The following SRPX2 variants were observed in gnomAD, a reference collection of about 807,000 sequenced individuals.
SRPX2 encodes sushi repeat containing protein X-linked 2.
A neutral mutation model predicts 45.3 loss-of-function variants in SRPX2; 26 were observed. The observed-to-expected ratio is 0.57, with a 90% CI of 0.42 to 0.80. The LOEUF is 0.80. Among genes scored for constraint, SRPX2 ranks in the 30% least tolerant of loss-of-function variants. The probability of loss-of-function intolerance (pLI) is 0.00; values close to 1 mark genes in which losing one functional copy is unlikely to be tolerated. For synonymous variants in SRPX2, 125 were observed against 143.7 expected (o/e 0.87, Z 0.93); for missense variants, 355 against 399.8 (o/e 0.89, Z 0.95).
intron 7 of SRPX2, 108 bp downstream of exon 7, chrX:100,665,765 T>C (rs888038525): frequency 8.9e-7 from 1 of 1,120,372 alleles, no homozygotes; most frequent in South Asian, 1.9e-5. Context: ...TCATTTATAC[T>C]GGGAGAGGAG....
rs771852530 is a variant in SRPX2 at position 100,661,933 on chromosome X, GTT to G, written c.164-218_164-217del. ...GGTGTGAGACTTAGGTCGAGGTGGGGTTTTTTTTTTTTTTTTTTTTTTTTTTG... is the reference window on the plus strand; with the variant it reads ...GGTGTGAGACTTAGGTCGAGGTGGGGTTTTTTTTTTTTTTTTTTTTTTTTG... On this transcript the variant is annotated intron_variant, in intron 3 of 10. Transcript: ENST00000373004. Among the ~76,000 whole-genome samples, 146 of 59,689 alleles carry G rather than the reference GTT, an allele frequency of 2.4e-3. 1 individual carries two copies. Among genetic ancestry groups the G allele is most frequent in the African/African-American group, 0.01 (143 of 14,088 alleles). 51.8% of individuals were successfully genotyped at this position (59,689 alleles called of 115,157 possible).
At chrX:100,664,660 G>T in intron 4 of SRPX2, 114 bp from the exon 5 acceptor site, 1 of 771,541 alleles carries the variant, frequency 1.3e-6, no homozygotes, top group Non-Finnish European at 1.9e-6. Flanking sequence ...GGCAGTTCAG[G>T]TAGGGTTTCT....
intron 3 of SRPX2, among the ~76,000 whole-genome samples, chrX:100,655,855 GTTTTTTTTTTTTT>G (rs11362126): frequency 2.0e-5 from 1 of 50,010 alleles, no homozygotes; most frequent in African/African-American, 6.4e-5. Context: ...GGGTGGGGGA[GTTTTTTTTTTTTT>G]TTTTTTTTTT....
chrX:100,667,232 G>A, intron 8 of SRPX2, 42 bp from the exon 9 acceptor site: 1 of 1,211,439 alleles, frequency 8.3e-7, no homozygotes, highest in African/African-American at 1.7e-5. Context: ...CTGGGATGGA[G>A]GAGAAAGCCG....
Position 100,665,582 on chromosome X carries a change from G to A in SRPX2, c.706G>A (p.Glu236Lys), listed in dbSNP as rs754500495. ...GCCTGGCTCTCACTTTCCCGAAGGA[G>A]AGCATGTGATTCGTTACACTGCCTA... ...PEPGSHFPEGEHVIRYTAYDR... is the reference protein window; with the variant it reads ...PEPGSHFPEGKHVIRYTAYDR... Residue 236 changes from glutamate to lysine, a missense_variant, in exon 7 of 11, where the codon GAG becomes AAG. Physicochemically the swap from Glu to Lys is moderately conservative, Grantham distance 56. Coordinates refer to ENST00000373004, the MANE Select transcript of SRPX2 (RefSeq NM_014467.3). The A allele has an allele frequency of 1.6e-6, 2 of 1,212,141 alleles. No homozygotes were observed. The highest frequency in any genetic ancestry group is 1.8e-5 in the South Asian group (1 of 57,007).
At position 100,671,078 on chromosome X, in the gene SRPX2, A is replaced by C; in HGVS notation, c.*91A>C. The C allele has an allele frequency of 4.0e-6, 4 of 1,006,136 alleles. No individual in the cohort carries two copies. Among genetic ancestry groups the C allele is most frequent in the Non-Finnish European group, 5.4e-6 (4 of 734,191 alleles). The allele number at this position is 1,006,136 out of a possible 1,213,427, so 82.9% of individuals were successfully genotyped here. On this transcript the variant is annotated 3_prime_UTR_variant, in exon 11 of 11. Transcript: ENST00000373004. Reference sequence around the variant, plus strand: ...ATAAAAGGAGGAAATGTTTTCCCACAGTTCTAGGGACAGGACTCTGAGGTG... The same window carrying C: ...ATAAAAGGAGGAAATGTTTTCCCACCGTTCTAGGGACAGGACTCTGAGGTG...
chrX:100,667,059 C>A, intron 8 of SRPX2, 126 bp downstream of exon 8: 1 of 1,026,734 alleles, frequency 9.7e-7, no homozygotes, highest in South Asian at 2.1e-5. Context: ...TGGGATGTGT[C>A]TAATTTAAAG....
intron 4 of SRPX2, among the ~76,000 whole-genome samples, chrX:100,662,658 A>G (rs2083192138): frequency 8.9e-6 from 1 of 111,855 alleles, no homozygotes; most frequent in East Asian, 2.8e-4. Context: ...TCTGTTGTGG[A>G]CCTAGATCTT....
rs112656155 is a variant in SRPX2 at position 100,664,992 on chromosome X, A to G, written c.532+42A>G. 15 of 1,187,083 alleles carry G rather than the reference A, an allele frequency of 1.3e-5. No homozygotes were observed. In the African/African-American group the frequency reaches 1.4e-4, roughly 11 times the overall value. On this transcript the variant is annotated intron_variant, in intron 5 of 10. Coordinates refer to ENST00000373004, the MANE Select transcript of SRPX2 (RefSeq NM_014467.3). ...CCCAGTTGTCCTGGTGCAAAGAGCC[A>G]CCCCAGCATTATATCGACAAAAGAT...
At chrX:100,669,124 G>C (rs2083214133) in intron 9 of SRPX2, 124 bp from the exon 10 acceptor site, 2 of 946,410 alleles carry the variant, frequency 2.1e-6, no homozygotes, top group Non-Finnish European at 3.0e-6. Flanking sequence ...GTGATTGCGT[G>C]ATCATTGGGG....
At chrX:100,649,957 C>T (rs188517073) in intron 2 of SRPX2, among the ~76,000 whole-genome samples, 21 of 112,030 alleles carry the variant, frequency 1.9e-4, no homozygotes, top group African/African-American at 5.8e-4. Context: ...CCAATTAGTT[C>T]GTATTCATGA....
In SRPX2 at chrX:100,669,330, G is replaced by A. The variant is rs374101708; in HGVS notation, c.1178G>A (p.Arg393Gln). The A allele has an allele frequency of 9.7e-6, 11 of 1,128,841 alleles. No individual in the cohort carries two copies. The African/African-American group carries it at 1.7e-4, about 18-fold the overall frequency. 93.0% of individuals were successfully genotyped at this position (1,128,841 alleles called of 1,213,427 possible). ...GQPPQEVGRI[R>Q]EQQLSANIIE... ...CCACCTCAGGAGGTGGGGCGCATCCGGGAGCAACAGCTGTCAGCCAACATC... is the reference window on the plus strand; with the variant it reads ...CCACCTCAGGAGGTGGGGCGCATCCAGGAGCAACAGCTGTCAGCCAACATC... The change falls in exon 10 of 11, where the codon CGG becomes CAG. Residue 393 changes from arginine to glutamine, a missense_variant. Arg to Gln is a conservative substitution (Grantham distance 43, BLOSUM62 1). Coordinates refer to ENST00000373004, the MANE Select transcript of SRPX2 (RefSeq NM_014467.3).
In SRPX2 at chrX:100,671,602, C is replaced by G. The variant is rs373659417; in HGVS notation, c.*615C>G. ...TACAGGCGCCCACCACCACACCCGG[C>G]TAACGTTTTGTATTTTTAGTAGAGA... On this transcript the variant is annotated 3_prime_UTR_variant, in exon 11 of 11. Coordinates refer to ENST00000373004, the MANE Select transcript of SRPX2 (RefSeq NM_014467.3). 6.1e-5 allele frequency: 7 copies of G among 115,373 alleles called. No homozygotes were observed. Among genetic ancestry groups the G allele is most frequent in the African/African-American group, 2.3e-4 (7 of 30,112 alleles). 9.5% of individuals were successfully genotyped at this position (115,373 alleles called of 1,213,427 possible).
chrX:100,663,768 T>C (rs7057322), intron 4 of SRPX2, among the ~76,000 whole-genome samples: 122 of 112,385 alleles, frequency 1.1e-3, no homozygotes, highest in African/African-American at 3.9e-3. Flanking sequence ...AATTAATCCA[T>C]GGTGACAGGC....
In SRPX2 at chrX:100,674,567, C is replaced by T. The variant is rs2083248074; in HGVS notation, c.*3580C>T. ...GGAAACAAAAGAGCAAGTTACAGCC[C>T]GGGATCCCAAGTTATGCCTTCCATT... On this transcript the variant is annotated 3_prime_UTR_variant, in exon 11 of 11. Coordinates refer to ENST00000373004, the MANE Select transcript of SRPX2 (RefSeq NM_014467.3). 1 of 112,104 alleles carries T rather than the reference C, an allele frequency of 8.9e-6. No individual in the cohort carries two copies. The highest frequency in any genetic ancestry group is 3.2e-5 in the African/African-American group (1 of 30,775). The allele number at this position is 112,104 out of a possible 1,213,427, so 9.2% of individuals were successfully genotyped here. A position where few individuals can be genotyped will look rare whatever the true frequency, so the allele number is the denominator to read the frequency against.
chrX:100,658,451 C>T (rs950867944), intron 3 of SRPX2, among the ~76,000 whole-genome samples: 1 of 112,034 alleles, frequency 8.9e-6, no homozygotes, highest in Non-Finnish European at 1.9e-5. Flanking sequence ...GTTTGCTATT[C>T]TGTTCCATTG....
Position 100,669,405 on chromosome X carries a change from G to A in SRPX2, c.1217+36G>A, listed in dbSNP as rs182041986. 8 of 601,951 alleles carry A rather than the reference G, an allele frequency of 1.3e-5. No individual in the cohort carries two copies. The East Asian group carries it at 3.3e-4, about 25-fold the overall frequency. 49.6% of individuals were successfully genotyped at this position (601,951 alleles called of 1,213,427 possible). On this transcript the variant is annotated intron_variant, in intron 10 of 10. Transcript: ENST00000373004. ...GGAGGCTGCCAAACTTGGGGGGAGG[G>A]GGGGCTGGGGCGGGGGGAGAAACCC... is the stretch of plus-strand genomic sequence containing the variant.
chrX:100,651,538 T>G (rs2083153230), intron 3 of SRPX2, among the ~76,000 whole-genome samples: 1 of 110,861 alleles, frequency 9.0e-6, no homozygotes, highest in Non-Finnish European at 1.9e-5. Flanking sequence ...CCCAGCATTT[T>G]GGGAGGCCGA....
chrX:100,658,906 A>G (rs1392989915), intron 3 of SRPX2, among the ~76,000 whole-genome samples: 3 of 111,929 alleles, frequency 2.7e-5, no homozygotes, highest in African/African-American at 9.7e-5. Flanking sequence ...TCCTCGTTTC[A>G]GTTTCCCATG....
Sources: gnomAD v4.1 joint callset for allele counts (sites outside exome capture counted in the v4.1 genomes callset) on GRCh38, gnomAD v4.1.1 for gene constraint, MANE v1.5 for transcripts, NCBI Gene and HGNC (gene_info 2026-07-23, HGNC 2026-07-21) for gene names.